SGO1: variants seen among roughly 807,000 people sequenced by gnomAD.
The protein encoded by SGO1 is shugoshin 1.
A neutral mutation model predicts 50.5 loss-of-function variants in SGO1; 39 were observed. The ratio of observed to expected loss-of-function variants is 0.77; its 90% confidence interval spans 0.60 to 1.01. The LOEUF is 1.01. Among genes scored for constraint, SGO1 ranks in the 50% least tolerant of loss-of-function variants. The pLI is 0.00. For synonymous variants in SGO1, 191 were observed against 205.1 expected, an observed-to-expected ratio of 0.93 and a Z score of 0.59; for missense variants, 638 against 606.0, an observed-to-expected ratio of 1.05 and a Z score of -0.55.
chr3:20,167,165 AGCAGTG>A (rs1289523438), downstream of SGO1, among the ~76,000 whole-genome samples: 1 of 152,218 alleles, frequency 6.6e-6, no homozygotes, highest in Admixed American at 6.5e-5. Flanking sequence ...AGGAATATTC[AGCAGTG>A]GGGAAAGAAG....
chr3:20,184,648 G>A (rs940275351), intron 1 of SGO1, among the ~76,000 whole-genome samples: 2 of 152,158 alleles, frequency 1.3e-5, no homozygotes, highest in African/African-American at 4.8e-5. Context: ...ATTGTAACAA[G>A]TACAGAGCTA....
chr3:20,168,844 A>G, downstream of SGO1: 1 of 548,756 alleles, frequency 1.8e-6, no homozygotes, highest in Non-Finnish European at 2.3e-6. Context: ...ATTAGCCAGG[A>G]TGGTCTCGAT....
intron 3 of SGO1, among the ~76,000 whole-genome samples, chr3:20,179,964 T>C (rs1330011608): frequency 6.6e-6 from 1 of 152,110 alleles, no homozygotes; most frequent in African/African-American, 2.4e-5. Flanking sequence ...GACCTTGACA[T>C]GCAGTGACAA....
intron 7 of SGO1, 39 bp from the exon 8 acceptor site, chr3:20,170,854 A>G (rs376190704): frequency 9.7e-5 from 153 of 1,571,502 alleles, no homozygotes; most frequent in Middle Eastern, 1.7e-4. Flanking sequence ...TAATGTAAGC[A>G]TCCCAATATT....
chr3:20,166,953 G>C, downstream of SGO1, among the ~76,000 whole-genome samples: 1 of 151,032 alleles, frequency 6.6e-6, no homozygotes. Flanking sequence ...GCTACAGTGA[G>C]TTATGATTGG....
At chr3:20,181,533 T>C (rs965450214) in intron 3 of SGO1, among the ~76,000 whole-genome samples, 1 of 152,236 alleles carries the variant, frequency 6.6e-6, no homozygotes, top group African/African-American at 2.4e-5. Context: ...GCTAAGAATA[T>C]ATTTGCGTAG....
downstream of SGO1, among the ~76,000 whole-genome samples, chr3:20,167,092 A>G (rs189770984): frequency 5.9e-5 from 9 of 152,278 alleles, no homozygotes; most frequent in East Asian, 1.5e-3. Flanking sequence ...TGACTATACA[A>G]TATACCCAGC....
chr3:20,177,118 G>A (rs1701487839), intron 4 of SGO1: 1 of 152,426 alleles, frequency 6.6e-6, no homozygotes, highest in Non-Finnish European at 1.5e-5. Context: ...CTTTACAAAT[G>A]TTGTTCTTTG....
At chr3:20,184,116 G>A in intron 1 of SGO1, 82 bp from the exon 2 acceptor site, 1 of 1,065,796 alleles carries the variant, frequency 9.4e-7, no homozygotes. Flanking sequence ...CATAAAGAAT[G>A]CATTAAATAG....
chr3:20,162,603 A>G (rs1175418010), intron 8 of SGO1, among the ~76,000 whole-genome samples: 1 of 152,202 alleles, frequency 6.6e-6, no homozygotes, highest in Non-Finnish European at 1.5e-5. Flanking sequence ...GCAGGAAAGT[A>G]TAATAATCGA....
intron 6 of SGO1, among the ~76,000 whole-genome samples, chr3:20,172,774 C>A (rs919775150): frequency 7.0e-6 from 1 of 142,570 alleles, no homozygotes; most frequent in African/African-American, 2.7e-5. Context: ...CACAGTGAGA[C>A]CTCATCTTCA....
At chr3:20,165,061 T>A (rs964286224), downstream of SGO1, among the ~76,000 whole-genome samples, 6 of 152,220 alleles carry the variant, frequency 3.9e-5, no homozygotes, top group African/African-American at 1.4e-4. Flanking sequence ...CGAAGCTGGA[T>A]AATTTATAAA....
chr3:20,162,363 T>G (rs1700080949), intron 8 of SGO1, among the ~76,000 whole-genome samples: 1 of 152,170 alleles, frequency 6.6e-6, no homozygotes, highest in African/African-American at 2.4e-5. Context: ...AAACCCCAGA[T>G]GCTTCACATC....
At chr3:20,176,057 T>G (rs17797971) in intron 5 of SGO1, among the ~76,000 whole-genome samples, 14,093 of 152,200 alleles carry the variant, frequency 0.093, 919 homozygotes, top group Non-Finnish European at 0.15. Flanking sequence ...ATACTATCCT[T>G]CCTTCGACGT....
At chr3:20,182,691 C>T (rs1477979710) in intron 3 of SGO1, among the ~76,000 whole-genome samples, 1 of 152,110 alleles carries the variant, frequency 6.6e-6, no homozygotes, top group East Asian at 1.9e-4. Context: ...ATTTGAACAC[C>T]TTCTTTACAA....
rs1421897840 is a variant in SGO1 at position 20,171,217 on chromosome 3, G to A, written c.1298C>T (p.Thr433Ile). 6.3e-7 allele frequency: 1 copy of A among 1,576,746 alleles called. No individual in the cohort carries two copies. The highest frequency in any genetic ancestry group is 2.0e-5 in the Admixed American group (1 of 50,060). The change falls in exon 7 of 8, where the codon ACT (threonine) becomes ATT (isoleucine). Residue 433 changes from threonine to isoleucine, a missense_variant. By Grantham distance (89) the Thr-to-Ile change is moderately conservative. Transcript: ENST00000412997. ...TKTPTTTPPE[T>I]QQSPHLSLKD... Reference sequence around the variant, plus strand: ...CAGGCTAAGATGAGGTGACTGCTGAGTTTCAGGTGGTGTAGCTACAAAACA... The same window carrying A: ...CAGGCTAAGATGAGGTGACTGCTGAATTTCAGGTGGTGTAGCTACAAAACA...
intron 3 of SGO1, among the ~76,000 whole-genome samples, chr3:20,181,900 T>C (rs965758953): frequency 6.6e-6 from 1 of 151,800 alleles, no homozygotes; most frequent in Non-Finnish European, 1.5e-5. Flanking sequence ...CTGAACAACA[T>C]GGCGAAACCC....
chr3:20,174,741 T>C lies in SGO1; in HGVS notation c.790A>G (p.Thr264Ala). ...NLSPKLIQPG[T>A]FTKTKEDILE... ...ATGTCTTCTTTTGTTTTAGTAAACG[T>C]TCCTGGCTGAATCAGCTTTGGTGAT... is the stretch of plus-strand genomic sequence containing the variant. Residue 264 changes from threonine (T) to alanine (A), a missense_variant, in exon 6 of 8, where the codon ACG (threonine) becomes GCG (alanine). Thr to Ala is a moderately conservative substitution (Grantham distance 58). Transcript: ENST00000412997. The C allele has an allele frequency of 1.9e-6, 3 of 1,614,118 alleles. No individual in the cohort carries two copies. Among genetic ancestry groups the C allele is most frequent in the Non-Finnish European group, 2.5e-6 (3 of 1,180,026 alleles).
chr3:20,175,795 CAA>C (rs56284216), intron 5 of SGO1, among the ~76,000 whole-genome samples: 2 of 136,768 alleles, frequency 1.5e-5, no homozygotes, highest in African/African-American at 2.7e-5. Context: ...GCAAGACTGT[CAA>C]AAAAAAAAAA....
Sources: allele counts gnomAD v4.1 joint callset (sites outside exome capture counted in the v4.1 genomes callset), GRCh38; gene constraint gnomAD v4.1.1; transcripts MANE v1.5; gene names NCBI Gene and HGNC (gene_info 2026-07-23, HGNC 2026-07-21).